The following TBC1D22A variants were observed in gnomAD, a reference collection of about 807,000 sequenced individuals.
TBC1D22A encodes the protein putative GTPase activator.
TBC1D22A carries 38 observed loss-of-function variants against 60.2 expected under a neutral mutation model. The ratio of observed to expected loss-of-function variants is 0.63; its 90% CI spans 0.49 to 0.83. TBC1D22A has a LOEUF of 0.83. Ranked by LOEUF, TBC1D22A falls within the 40% of genes least tolerant of loss-of-function variation. TBC1D22A has a pLI of 0.00. For missense variants in TBC1D22A, 628 were observed against 701.0 expected, an observed-to-expected ratio of 0.90 and a Z score of 1.18; for synonymous variants, 302 against 281.7, an observed-to-expected ratio of 1.07 and a Z score of -0.72.
intron 5 of TBC1D22A, among the ~76,000 whole-genome samples, chr22:46,883,308 T>C (rs981984627): frequency 1.2e-4 from 18 of 152,354 alleles, no homozygotes; most frequent in African/African-American, 4.1e-4. Flanking sequence ...ATGCATGCAT[T>C]GTTTTACATT....
intron 10 of TBC1D22A, among the ~76,000 whole-genome samples, chr22:47,019,432 G>A (rs1255164710): frequency 2.0e-5 from 3 of 152,236 alleles, no homozygotes; most frequent in Admixed American, 6.5e-5. Flanking sequence ...GCCGTCACTG[G>A]CTGTAGTTTC....
intron 11 of TBC1D22A, among the ~76,000 whole-genome samples, chr22:47,081,401 T>G (rs2064462528): frequency 6.6e-6 from 1 of 152,172 alleles, no homozygotes; most frequent in Non-Finnish European, 1.5e-5. Flanking sequence ...AGTGGTGAAG[T>G]TATCAAATGC....
At chr22:47,019,533 G>A (rs1268241613) in intron 10 of TBC1D22A, among the ~76,000 whole-genome samples, 1 of 151,792 alleles carries the variant, frequency 6.6e-6, no homozygotes, top group Non-Finnish European at 1.5e-5. Context: ...TCGTATAGGT[G>A]TTTGGGGGCA....
chr22:47,055,497 G>C (rs1403836853), intron 11 of TBC1D22A, among the ~76,000 whole-genome samples: 1 of 152,208 alleles, frequency 6.6e-6, no homozygotes, highest in African/African-American at 2.4e-5. Context: ...TTGATTAGGG[G>C]TATGTACATT....
At chr22:46,880,438 A>G (rs547955264) in intron 5 of TBC1D22A, among the ~76,000 whole-genome samples, 7 of 152,208 alleles carry the variant, frequency 4.6e-5, no homozygotes, top group African/African-American at 1.7e-4. Context: ...GGGCCCAAGC[A>G]TTTTCCTTCA....
chr22:47,173,617 C>T lies in TBC1D22A; in HGVS notation c.1545C>T (p.Tyr515=), dbSNP rs148728745. The T allele has an allele frequency of 6.0e-4, 972 of 1,613,786 alleles. 1 individual carries two copies. The highest frequency in any genetic ancestry group is 7.8e-4 in the Non-Finnish European group (915 of 1,179,918). ...KFAFADAPNH[Y]KK ...CTTTTGCCGACGCCCCCAATCACTA[C>T]AAGAAATGAGCCCAGGCCCACCCGC... The change falls in exon 13 of 13, where the codon TAC becomes TAT. Residue 515 remains tyrosine (Y), a synonymous_variant. Coordinates refer to ENST00000337137, the MANE Select transcript of TBC1D22A (RefSeq NM_014346.5).
chr22:46,947,123 C>T lies in TBC1D22A; in HGVS notation c.1016-27167C>T, dbSNP rs557451683. On this transcript the variant is annotated intron_variant, in intron 8 of 12. Transcript: ENST00000337137. ...ATGAGGTGATAGAGCTGTGTGCTGCCTCTCTGAAGAGTGCTGTGAATCGGT... is the reference window on the plus strand; with the variant it reads ...ATGAGGTGATAGAGCTGTGTGCTGCTTCTCTGAAGAGTGCTGTGAATCGGT... 3.9e-5 allele frequency among the ~76,000 whole-genome samples: 6 copies of T among 152,168 alleles called. No individual in the cohort carries two copies. In the East Asian group the frequency reaches 7.8e-4, roughly 20 times the overall value.
At chr22:47,007,662 A>G (rs2061633918) in intron 10 of TBC1D22A, among the ~76,000 whole-genome samples, 1 of 149,020 alleles carries the variant, frequency 6.7e-6, no homozygotes, top group Admixed American at 6.7e-5. Flanking sequence ...ACATGTAGAT[A>G]TAGCCCTTCC....
chr22:46,826,171 A>C (rs184474604), intron 4 of TBC1D22A, among the ~76,000 whole-genome samples: 10 of 152,096 alleles, frequency 6.6e-5, no homozygotes, highest in African/African-American at 1.4e-4. Context: ...GTGAGCCACC[A>C]CACCCAGCTG....
At chr22:47,162,132 T>C (rs1011521422) in intron 12 of TBC1D22A, among the ~76,000 whole-genome samples, 3 of 152,182 alleles carry the variant, frequency 2.0e-5, no homozygotes, top group African/African-American at 7.2e-5. Context: ...TTCCATTTTT[T>C]CATTTATCTT....
At chr22:46,795,140 T>TG (rs2084597129) in intron 3 of TBC1D22A, among the ~76,000 whole-genome samples, 1 of 152,238 alleles carries the variant, frequency 6.6e-6, no homozygotes, top group South Asian at 2.1e-4. Context: ...GGAAATCTGG[T>TG]GATGGCCTTT....
intron 7 of TBC1D22A, among the ~76,000 whole-genome samples, chr22:46,911,355 A>G (rs2069905379): frequency 6.6e-6 from 1 of 152,092 alleles, no homozygotes; most frequent in South Asian, 2.1e-4. Context: ...GTTTAAAGAA[A>G]TCTGTTTACT....
At chr22:47,170,230 T>C (rs952756007) in intron 12 of TBC1D22A, among the ~76,000 whole-genome samples, 1 of 152,190 alleles carries the variant, frequency 6.6e-6, no homozygotes, top group Admixed American at 6.5e-5. Flanking sequence ...CTCCATCCAG[T>C]GAACCTGGCG....
intron 10 of TBC1D22A, among the ~76,000 whole-genome samples, chr22:47,034,264 C>T (rs1306030775): frequency 6.6e-6 from 1 of 152,132 alleles, no homozygotes; most frequent in African/African-American, 2.4e-5. Context: ...AGTGGGTGTC[C>T]TGCGTGAGCC....
chr22:46,936,479 A>G (rs1463331529), intron 8 of TBC1D22A, among the ~76,000 whole-genome samples: 1 of 152,152 alleles, frequency 6.6e-6, no homozygotes, highest in Admixed American at 6.5e-5. Context: ...ACATCTCTTT[A>G]ATGAACTGTG....
chr22:46,853,847 A>G (rs1443954230), intron 4 of TBC1D22A, among the ~76,000 whole-genome samples: 1 of 152,058 alleles, frequency 6.6e-6, no homozygotes, highest in Non-Finnish European at 1.5e-5. Flanking sequence ...ATGGGCACAG[A>G]GCTGGGCGCA....
chr22:47,164,910 G>A (rs944329452), intron 12 of TBC1D22A, among the ~76,000 whole-genome samples: 2 of 152,220 alleles, frequency 1.3e-5, no homozygotes, highest in African/African-American at 4.8e-5. Context: ...TCTGCAGAAA[G>A]GCCCGGGGGT....
chr22:47,079,201 C>G (rs2064355980), intron 11 of TBC1D22A, among the ~76,000 whole-genome samples: 1 of 150,650 alleles, frequency 6.6e-6, no homozygotes, highest in South Asian at 2.1e-4. Flanking sequence ...ATTCTCCTGT[C>G]TCAGCCTTCC....
At chr22:46,919,731 C>CTT (rs57252183) in intron 8 of TBC1D22A, among the ~76,000 whole-genome samples, 7,839 of 136,714 alleles carry the variant, frequency 0.057, 817 homozygotes, top group African/African-American at 0.2. Context: ...ATCTTTCACT[C>CTT]TTTTTTTTTT....
Sources: gnomAD v4.1 joint callset for allele counts (sites outside exome capture counted in the v4.1 genomes callset) on GRCh38, gnomAD v4.1.1 for gene constraint, MANE v1.5 for transcripts, NCBI Gene and HGNC (gene_info 2026-07-23, HGNC 2026-07-21) for gene names.